The following AP2B1 variants were observed in gnomAD, a reference collection of about 807,000 sequenced individuals.
AP2B1 encodes the protein adaptor related protein complex 2 subunit beta 1.
A neutral mutation model predicts 102.0 loss-of-function variants in AP2B1; 23 were observed. The observed-to-expected ratio is 0.23, with a 90% CI of 0.16 to 0.32. The LOEUF is 0.32. AP2B1 is among the 10% of genes least tolerant of loss of function. The pLI, the probability that AP2B1 is intolerant of heterozygous loss-of-function variation, is 1.00. For synonymous variants in AP2B1, 381 were observed against 421.2 expected (o/e 0.90, Z 1.17); for missense variants, 541 against 1,157.4 (o/e 0.47, Z 7.73).
Position 35,648,376 on chromosome 17 carries a change from T to C in AP2B1, c.1537-2154T>C, listed in dbSNP as rs528178291. Reference sequence around the variant, plus strand: ...ACTAAAAATACAAAAATTAGCTGGGTGTGGTGGTGCGTACCAATAATCCCA... The same window carrying C: ...ACTAAAAATACAAAAATTAGCTGGGCGTGGTGGTGCGTACCAATAATCCCA... On this transcript the variant is annotated intron_variant, in intron 12 of 21. Transcript: ENST00000610402. 2.0e-5 allele frequency among the ~76,000 whole-genome samples: 3 copies of C among 151,792 alleles called. No homozygotes were observed. In the South Asian group the frequency reaches 6.2e-4, roughly 32 times the overall value.
chr17:35,632,117 G>T (rs186471480), intron 9 of AP2B1, among the ~76,000 whole-genome samples: 181 of 148,432 alleles, frequency 1.2e-3, no homozygotes, highest in African/African-American at 4.5e-3. Flanking sequence ...CTATGGCAAT[G>T]ATTTTGTTTT....
chr17:35,664,896 T>G (rs2075431252), intron 14 of AP2B1, among the ~76,000 whole-genome samples: 1 of 152,146 alleles, frequency 6.6e-6, no homozygotes, highest in Non-Finnish European at 1.5e-5. Flanking sequence ...TCTAAGGACT[T>G]TTTGTCTTAC....
At chr17:35,630,142 A>G (rs1019361839) in intron 9 of AP2B1, among the ~76,000 whole-genome samples, 9 of 152,176 alleles carry the variant, frequency 5.9e-5, no homozygotes, top group African/African-American at 2.2e-4. Flanking sequence ...CCTGTTCCTA[A>G]TTGGCCTTCC....
intron 5 of AP2B1, among the ~76,000 whole-genome samples, chr17:35,619,363 C>T (rs905015775): frequency 4.6e-5 from 7 of 152,006 alleles, no homozygotes; most frequent in African/African-American, 1.5e-4. Context: ...AAAATTCAGG[C>T]TGGGTATGGT....
intron 3 of AP2B1, among the ~76,000 whole-genome samples, chr17:35,603,939 G>A (rs2073573738): frequency 6.6e-6 from 1 of 152,074 alleles, no homozygotes; most frequent in South Asian, 2.1e-4. Context: ...TCTGGAAATT[G>A]AGCCTCGTTA....
chr17:35,720,545 TTATA>T (rs1213888032), intron 21 of AP2B1, among the ~76,000 whole-genome samples: 776 of 54,330 alleles, frequency 0.014, 30 homozygotes, highest in African/African-American at 0.021. Context: ...TTTATTTTAT[TTATA>T]TATATATATA....
intron 5 of AP2B1, among the ~76,000 whole-genome samples, chr17:35,616,025 A>G (rs1598049118): frequency 6.6e-6 from 1 of 150,454 alleles, no homozygotes. Context: ...GAAAGCAAAC[A>G]CTTTTTGTTT....
chr17:35,684,878 C>T (rs1422685295), intron 18 of AP2B1, among the ~76,000 whole-genome samples: 1 of 151,974 alleles, frequency 6.6e-6, no homozygotes, highest in Non-Finnish European at 1.5e-5. Context: ...ATTTTCTGCT[C>T]TTAAAATGAA....
At chr17:35,659,522 T>C (rs1399059513) in intron 14 of AP2B1, among the ~76,000 whole-genome samples, 1 of 152,196 alleles carries the variant, frequency 6.6e-6, no homozygotes, top group Non-Finnish European at 1.5e-5. Context: ...CCTGCAAGTA[T>C]TGTATCAAAG....
rs569701571 is a variant in AP2B1 at position 35,627,245 on chromosome 17, CTTTTTTTTTT to C, written c.939-125_939-116del. On this transcript the variant is annotated intron_variant, in intron 7 of 21. Coordinates refer to ENST00000610402, the MANE Select transcript of AP2B1 (RefSeq NM_001030006.2). ...TAGAGGCGTATAGAGGAAGTTTATG[CTTTTTTTTTT>C]TTTTTTTTTTTTTTGCCTGAGTGGA... 1.2e-3 allele frequency: 221 copies of C among 178,434 alleles called. 1 individual carries two copies. Among genetic ancestry groups the C allele is most frequent in the Middle Eastern group, 8.7e-3 (3 of 344 alleles). 11.1% of individuals were successfully genotyped at this position (178,434 alleles called of 1,614,324 possible). A position where few individuals can be genotyped will look rare whatever the true frequency, so the allele number is the denominator to read the frequency against.
chr17:35,626,122 G>A (rs898676528), intron 6 of AP2B1, among the ~76,000 whole-genome samples: 15 of 152,126 alleles, frequency 9.9e-5, no homozygotes, highest in African/African-American at 3.6e-4. Flanking sequence ...CCTTAAGAGA[G>A]GAGGTTGGAT....
chr17:35,686,746 C>T (rs147368638), intron 18 of AP2B1, among the ~76,000 whole-genome samples: 55 of 152,220 alleles, frequency 3.6e-4, no homozygotes, highest in African/African-American at 1.2e-3. Context: ...GGGCGGATCA[C>T]GAGGTCAGGA....
chr17:35,723,924 CCTG>C lies in AP2B1; in HGVS notation c.*234_*236del, dbSNP rs2085474954. On this transcript the variant is annotated 3_prime_UTR_variant, in exon 22 of 22. Transcript: ENST00000610402. ...TTCAGTCACCTCCCACCTCTTGCCA[CCTG>C]CTGCTGCTATCTGTCCTTACTTGTG... 1 of 452,910 alleles carries C rather than the reference CCTG, an allele frequency of 2.2e-6. No individual in the cohort carries two copies. The highest frequency in any genetic ancestry group is 4.0e-6 in the Non-Finnish European group (1 of 250,074). The allele number at this position is 452,910 out of a possible 1,614,324, so 28.1% of individuals were successfully genotyped here.
intron 21 of AP2B1, among the ~76,000 whole-genome samples, chr17:35,721,332 T>C (rs965503435): frequency 3.3e-4 from 51 of 152,336 alleles, no homozygotes; most frequent in African/African-American, 1.2e-3. Flanking sequence ...GTGACTCTTC[T>C]GCCCTTGGTG....
chr17:35,639,482 C>A (rs2074705565), intron 10 of AP2B1, 113 bp from the exon 11 acceptor site: 4 of 806,626 alleles, frequency 5.0e-6, no homozygotes, highest in Non-Finnish European at 7.6e-6. Context: ...AAAGCTTTTA[C>A]AGTTTGGTGG....
intron 5 of AP2B1, among the ~76,000 whole-genome samples, chr17:35,610,935 C>T (rs999171022): frequency 2.7e-5 from 4 of 148,894 alleles, no homozygotes; most frequent in African/African-American, 1.0e-4. Context: ...TTTTGTTGGA[C>T]GTGGTGGTGC....
intron 18 of AP2B1, among the ~76,000 whole-genome samples, chr17:35,694,874 CTTCATCTCAAAAACAAAAACAAAACA>C (rs587652839): frequency 6.6e-6 from 1 of 152,132 alleles, no homozygotes; most frequent in East Asian, 1.9e-4. Context: ...CAGAGCAAGA[CTTCATCTCAAAAACAAAAACAAAACA>C]AAACAAAAAC....
At position 35,599,670 on chromosome 17, in the gene AP2B1, G is replaced by A. The variant is rs143430475; in HGVS notation, c.143+1335G>A. ...TGTGATCCCAGTATTTTGGGAGGCC[G>A]AGGCAGGCGGATCACTTGAGGGCAG... On this transcript the variant is annotated intron_variant, in intron 3 of 21. Transcript: ENST00000610402. 6.4e-3 allele frequency among the ~76,000 whole-genome samples: 979 copies of A among 152,274 alleles called. 9 individuals carry two copies. The highest frequency in any genetic ancestry group is 0.022 in the African/African-American group (928 of 41,552).
intron 5 of AP2B1, among the ~76,000 whole-genome samples, chr17:35,619,128 G>C (rs1254180357): frequency 6.6e-6 from 1 of 152,158 alleles, no homozygotes; most frequent in Non-Finnish European, 1.5e-5. Context: ...ATTCAAGCAG[G>C]AATCCCTTTC....
Sources: gnomAD v4.1 joint callset for allele counts (sites outside exome capture counted in the v4.1 genomes callset) on GRCh38, gnomAD v4.1.1 for gene constraint, MANE v1.5 for transcripts, NCBI Gene and HGNC (gene_info 2026-07-23, HGNC 2026-07-21) for gene names.